The following CCDC171 variants were observed in gnomAD, a reference collection of about 807,000 sequenced individuals.
CCDC171 encodes the protein coiled-coil domain containing 171.
In CCDC171, 177 loss-of-function variants were observed where a neutral mutation model predicts 168.2. The observed-to-expected ratio is 1.05, with a 90% CI of 0.93 to 1.19. CCDC171 has a LOEUF of 1.19. CCDC171 is among the 50% of genes most tolerant of loss of function. CCDC171 has a pLI of 0.00. For synonymous variants in CCDC171, 687 were observed against 540.8 expected (o/e 1.27, Z -3.75); for missense variants, 1,991 against 1,539.0 (o/e 1.29, Z -4.91).
chr9:15,556,373 C>T (rs193054966), intron 1 of CCDC171, among the ~76,000 whole-genome samples: 1,640 of 152,232 alleles, frequency 0.011, 22 homozygotes, highest in Non-Finnish European at 0.019. Flanking sequence ...AAAAGTGTTC[C>T]TATTTCTCCA....
intron 24 of CCDC171, among the ~76,000 whole-genome samples, chr9:15,912,792 T>C (rs144539689): frequency 6.6e-6 from 1 of 152,350 alleles, no homozygotes; most frequent in Admixed American, 6.5e-5. Context: ...TCTATTGAGA[T>C]AATCATGTGG....
intron 25 of CCDC171, among the ~76,000 whole-genome samples, chr9:15,942,035 C>T (rs557203004): frequency 6.6e-6 from 1 of 152,028 alleles, no homozygotes; most frequent in African/African-American, 2.4e-5. Context: ...ATAGTATTTT[C>T]AGCCTTTCAC....
chr9:15,629,887 A>C (rs2045529214), intron 7 of CCDC171, among the ~76,000 whole-genome samples: 3 of 152,202 alleles, frequency 2.0e-5, no homozygotes, highest in Admixed American at 2.0e-4. Flanking sequence ...ATTCTTAAAG[A>C]AAAAAATTTT....
chr9:15,635,517 C>G (rs1462434002), intron 7 of CCDC171, among the ~76,000 whole-genome samples: 1 of 152,168 alleles, frequency 6.6e-6, no homozygotes, highest in Non-Finnish European at 1.5e-5. Context: ...ATTCCACTTT[C>G]TTCTGCCTGC....
At chr9:15,826,281 G>A (rs1185965843) in intron 21 of CCDC171, among the ~76,000 whole-genome samples, 1 of 150,588 alleles carries the variant, frequency 6.6e-6, no homozygotes. Flanking sequence ...ATTCTCTTTC[G>A]TTCTTCTGAG....
At chr9:15,717,180 A>C (rs1445357633) in intron 11 of CCDC171, among the ~76,000 whole-genome samples, 1 of 152,062 alleles carries the variant, frequency 6.6e-6, no homozygotes, top group Non-Finnish European at 1.5e-5. Context: ...GCACTTGGGG[A>C]AGGGAGAGCA....
intron 6 of CCDC171, among the ~76,000 whole-genome samples, chr9:15,599,562 C>T (rs2042664278): frequency 6.6e-6 from 1 of 152,308 alleles, no homozygotes; most frequent in Admixed American, 6.5e-5. Flanking sequence ...CCCAACCTTT[C>T]TGTCTGGCTG....
At chr9:15,581,686 T>C (rs1382844654) in intron 4 of CCDC171, among the ~76,000 whole-genome samples, 3 of 152,076 alleles carry the variant, frequency 2.0e-5, no homozygotes, top group Non-Finnish European at 2.9e-5. Flanking sequence ...GGGGAAAGGA[T>C]TCCCTATTTA....
chr9:15,572,789 A>G (rs923534737), intron 3 of CCDC171, among the ~76,000 whole-genome samples: 1 of 152,230 alleles, frequency 6.6e-6, no homozygotes, highest in Non-Finnish European at 1.5e-5. Flanking sequence ...AGCTGAAAAC[A>G]GTGATCACAC....
At position 15,718,908 on chromosome 9, in the gene CCDC171, C is replaced by T. The variant is rs139871969; in HGVS notation, c.1319-2861C>T. On this transcript the variant is annotated intron_variant, in intron 11 of 25. Transcript: ENST00000380701. The stretch of plus-strand genomic sequence containing the variant: ...CATAGACTAAAATAAATAACTAACT[C>T]GTCAATGCCCAGACACTGAAGAACA... Among the ~76,000 whole-genome samples, 130 of 152,266 alleles carry T rather than the reference C, an allele frequency of 8.5e-4. 2 individuals are homozygous for T. The East Asian group carries it at 0.015, about 18-fold the overall frequency.
intron 7 of CCDC171, among the ~76,000 whole-genome samples, chr9:15,631,899 A>G (rs1384453387): frequency 1.3e-5 from 2 of 152,204 alleles, no homozygotes; most frequent in Admixed American, 1.3e-4. Context: ...CCATCATATA[A>G]ACAGAACCAA....
chr9:15,725,742 G>C (rs969896854), intron 14 of CCDC171, among the ~76,000 whole-genome samples: 17 of 152,130 alleles, frequency 1.1e-4, no homozygotes, highest in Admixed American at 6.5e-5. Context: ...GAGCCACTGT[G>C]CCTGGCCTAG....
intron 23 of CCDC171, among the ~76,000 whole-genome samples, chr9:15,859,400 A>G (rs2061467498): frequency 6.6e-6 from 1 of 151,872 alleles, no homozygotes; most frequent in Admixed American, 6.6e-5. Flanking sequence ...TGCTGGTCTC[A>G]TAAAATATAT....
intron 24 of CCDC171, among the ~76,000 whole-genome samples, chr9:15,892,504 C>T (rs374904995): frequency 6.6e-5 from 10 of 152,096 alleles, no homozygotes; most frequent in East Asian, 5.8e-4. Flanking sequence ...TGATGAATCA[C>T]GTTTATTGAT....
intron 25 of CCDC171, among the ~76,000 whole-genome samples, chr9:15,957,600 A>G (rs1024750277): frequency 6.6e-6 from 1 of 152,224 alleles, no homozygotes; most frequent in African/African-American, 2.4e-5. Context: ...GCCCAAGCAG[A>G]TAGACATTCA....
intron 9 of CCDC171, among the ~76,000 whole-genome samples, chr9:15,667,186 G>A (rs2133177634): frequency 6.6e-6 from 1 of 152,080 alleles, no homozygotes; most frequent in Admixed American, 6.6e-5. Context: ...GTCAATAGTA[G>A]ACATTTTAAA....
At chr9:16,030,141 C>T (rs1269380064) in intron 6 of CCDC171, among the ~76,000 whole-genome samples, 6 of 152,098 alleles carry the variant, frequency 3.9e-5, no homozygotes, top group African/African-American at 9.7e-5. Flanking sequence ...CCAAAGACCC[C>T]GCCTTTAATA....
intron 7 of CCDC171, among the ~76,000 whole-genome samples, chr9:15,646,117 T>C (rs1308697526): frequency 6.6e-6 from 1 of 152,202 alleles, no homozygotes; most frequent in Non-Finnish European, 1.5e-5. Context: ...AAAAGAATTT[T>C]CAACCCAGAA....
At chr9:16,096,263 T>C in the CCDC171 span, among the ~76,000 whole-genome samples, 2 of 152,126 alleles carry the variant, frequency 1.3e-5, no homozygotes, top group Non-Finnish European at 2.9e-5. Flanking sequence ...CAGGCCATAG[T>C]AAATTAAAGA....
Sources: gnomAD v4.1 joint callset for allele counts (sites outside exome capture counted in the v4.1 genomes callset) on GRCh38, gnomAD v4.1.1 for gene constraint, MANE v1.5 for transcripts, NCBI Gene and HGNC (gene_info 2026-07-23, HGNC 2026-07-21) for gene names.